The following ADAMTS9 variants were observed in gnomAD, a reference collection of about 807,000 sequenced individuals.
ADAMTS9 encodes the protein A disintegrin and metalloproteinase with thrombospondin motifs 9.
ADAMTS9 carries 107 observed loss-of-function variants against 257.1 expected under a neutral mutation model. The ratio of observed to expected loss-of-function variants is 0.42; its 90% CI spans 0.36 to 0.49. The LOEUF (loss-of-function observed/expected upper bound fraction) is 0.49. ADAMTS9 is among the 20% of genes least tolerant of loss of function. The pLI is 0.03. For missense variants in ADAMTS9, 2,353 were observed against 2,469.1 expected, an observed-to-expected ratio of 0.95 and a Z score of 1.00; for synonymous variants, 982 against 880.9, an observed-to-expected ratio of 1.11 and a Z score of -2.03.
chr3:64,554,182 T>G lies in ADAMTS9; in HGVS notation c.4699-3120A>C, dbSNP rs948844364. 3.9e-5 allele frequency among the ~76,000 whole-genome samples: 6 copies of G among 152,286 alleles called. No individual in the cohort carries two copies. The East Asian group carries it at 1.2e-3, about 29-fold the overall frequency. On this transcript the variant is annotated intron_variant, in intron 30 of 39. Transcript: ENST00000498707. ...CAGTTCAGAGCAGAAATACAATGAA[T>G]CCTAAATACTTTATGCTTGTTAAGC... is the stretch of plus-strand genomic sequence containing the variant.
intron 18 of ADAMTS9, among the ~76,000 whole-genome samples, chr3:64,621,655 G>A (rs368555700): frequency 8.6e-5 from 13 of 151,874 alleles, no homozygotes; most frequent in African/African-American, 3.1e-4. Flanking sequence ...CCAGCTACTC[G>A]GGAGACTGAG....
intron 30 of ADAMTS9, among the ~76,000 whole-genome samples, chr3:64,553,022 C>G (rs7651719): frequency 0.66 from 100,097 of 151,784 alleles, 36,960 homozygotes; most frequent in Non-Finnish European, 0.85. Flanking sequence ...CTATGATATG[C>G]CCTATGTCTT....
chr3:64,633,296 A>T (rs1166652011), intron 14 of ADAMTS9, among the ~76,000 whole-genome samples, 176 bp downstream of exon 14: 2 of 152,180 alleles, frequency 1.3e-5, no homozygotes, highest in Non-Finnish European at 2.9e-5. Flanking sequence ...CTTTGGCACT[A>T]CACGCATCAG....
intron 14 of ADAMTS9, 43 bp downstream of exon 14, chr3:64,633,429 G>A: frequency 3.1e-6 from 5 of 1,608,592 alleles, no homozygotes; most frequent in Non-Finnish European, 3.4e-6. Flanking sequence ...TCACAGGTTG[G>A]CAGCGGGAAA....
At chr3:64,632,510 G>A (rs1465065593) in intron 14 of ADAMTS9, among the ~76,000 whole-genome samples, 1 of 152,050 alleles carries the variant, frequency 6.6e-6, no homozygotes, top group African/African-American at 2.4e-5. Flanking sequence ...TATGACCATG[G>A]GCCTCCATTT....
In ADAMTS9 at chr3:64,632,560, C is replaced by T. The variant is rs919296607; in HGVS notation, c.2176-635G>A. ...CCATCGAGTGGCCTGCTGAATTTCTCCTCATATTAACACAATGCAGCCATG... is the reference window on the plus strand; with the variant it reads ...CCATCGAGTGGCCTGCTGAATTTCTTCTCATATTAACACAATGCAGCCATG... On this transcript the variant is annotated intron_variant, in intron 14 of 39. Transcript: ENST00000498707. Among the ~76,000 whole-genome samples the T allele has an allele frequency of 1.3e-4, 20 of 152,188 alleles. 1 individual carries two copies. Among genetic ancestry groups the T allele is most frequent in the African/African-American group, 4.8e-4 (20 of 41,442 alleles).
Position 64,631,542 on chromosome 3 carries a change from T to C in ADAMTS9, c.2302A>G (p.Thr768Ala), listed in dbSNP as rs1700367820. ...TFNTVHYGYN[T>A]VVRIPAGATN... is the part of the protein sequence containing the mutation. ...GCACCAGCTGGAATTCGGACCACAG[T>C]ATTGTAACCTGAAAAGAATTTAGCA... is the stretch of plus-strand genomic sequence containing the variant. Residue 768 changes from threonine (T) to alanine (A), a missense_variant, in exon 16 of 40, where the codon ACT becomes GCT. Thr to Ala is a moderately conservative substitution (Grantham distance 58). Coordinates refer to ENST00000498707, the MANE Select transcript of ADAMTS9 (RefSeq NM_182920.2). 1.2e-6 allele frequency: 2 copies of C among 1,613,556 alleles called. No homozygotes were observed. The highest frequency in any genetic ancestry group is 1.7e-6 in the Non-Finnish European group (2 of 1,179,570).
chr3:64,681,485 T>C (rs1701755680), intron 2 of ADAMTS9, 122 bp from the exon 3 acceptor site: 1 of 1,002,334 alleles, frequency 1.0e-6, no homozygotes, highest in Admixed American at 3.0e-5. Context: ...TTCAGGAGGG[T>C]TGTTTCAACT....
At chr3:64,628,346 C>G (rs1700278419) in intron 16 of ADAMTS9, among the ~76,000 whole-genome samples, 1 of 152,034 alleles carries the variant, frequency 6.6e-6, no homozygotes, top group South Asian at 2.1e-4. Context: ...GATTGTTTTT[C>G]CAAGAAAGGG....
intron 28 of ADAMTS9, among the ~76,000 whole-genome samples, chr3:64,580,155 C>T (rs1462442735): frequency 1.3e-5 from 2 of 152,086 alleles, no homozygotes; most frequent in African/African-American, 4.8e-5. Flanking sequence ...CAATGAAATG[C>T]AATACTCAAG....
At chr3:64,660,005 T>C (rs2106975405) in intron 3 of ADAMTS9, among the ~76,000 whole-genome samples, 1 of 152,312 alleles carries the variant, frequency 6.6e-6, no homozygotes, top group Non-Finnish European at 1.5e-5. Context: ...GAAGTTTATA[T>C]TACTGATGAA....
At chr3:64,683,722 AG>A (rs1341196631) in intron 2 of ADAMTS9, among the ~76,000 whole-genome samples, 1 of 152,214 alleles carries the variant, frequency 6.6e-6, no homozygotes, top group African/African-American at 2.4e-5. Context: ...TTCTTGGTTA[AG>A]GTGACTATTT....
chr3:64,608,304 T>C (rs2084600150), intron 22 of ADAMTS9, among the ~76,000 whole-genome samples: 1 of 129,734 alleles, frequency 7.7e-6, no homozygotes, highest in Non-Finnish European at 1.7e-5. Context: ...TAATAAAGAT[T>C]AGAATGGAGA....
intron 28 of ADAMTS9, among the ~76,000 whole-genome samples, chr3:64,572,090 T>C (rs1187710553): frequency 6.6e-6 from 1 of 152,220 alleles, no homozygotes; most frequent in Non-Finnish European, 1.5e-5. Context: ...TCTGACTTTT[T>C]TTTCTTGGGA....
At chr3:64,655,247 C>T (rs772997260) in intron 6 of ADAMTS9, among the ~76,000 whole-genome samples, 1 of 152,058 alleles carries the variant, frequency 6.6e-6, no homozygotes, top group Admixed American at 6.6e-5. Context: ...TCAGGTCTGC[C>T]TAACACATTT....
At chr3:64,616,975 G>T (rs143077675) in intron 19 of ADAMTS9, among the ~76,000 whole-genome samples, 7 of 152,240 alleles carry the variant, frequency 4.6e-5, no homozygotes, top group African/African-American at 1.7e-4. Flanking sequence ...CTGGCCTCAT[G>T]CTTATCTTGG....
At chr3:64,561,858 C>T (rs1219902526) in intron 29 of ADAMTS9, 107 bp from the exon 30 acceptor site, 12 of 939,462 alleles carry the variant, frequency 1.3e-5, no homozygotes, top group Non-Finnish European at 1.9e-5. Context: ...AATCCAATGA[C>T]TTTCATAGCT....
intron 28 of ADAMTS9, chr3:64,587,290 T>C (rs1167313213): frequency 6.6e-6 from 1 of 152,198 alleles, no homozygotes; most frequent in Non-Finnish European, 1.5e-5. Flanking sequence ...GGGCATCCTA[T>C]GGGGGAACCC....
Position 64,603,940 on chromosome 3 carries a change from C to T in ADAMTS9, c.3729G>A (p.Lys1243=), listed in dbSNP as rs1038285379. The part of the protein sequence containing the change: ...ECSVTPCGQW[K]ALDWSSCSVT... ...GGCTTACAGAGCTCCAGTCCAAGGC[C>T]TTCCATTGCCCACAGGGTGTCACAG... The change falls in exon 25 of 40, where the codon AAG becomes AAA. Residue 1243 remains lysine, a synonymous_variant. Transcript: ENST00000498707. 1.5e-5 allele frequency: 25 copies of T among 1,613,888 alleles called. No individual in the cohort carries two copies. Among genetic ancestry groups the T allele is most frequent in the Non-Finnish European group, 2.1e-5 (25 of 1,179,968 alleles).
Sources: gnomAD v4.1 joint callset for allele counts (sites outside exome capture counted in the v4.1 genomes callset) on GRCh38, gnomAD v4.1.1 for gene constraint, MANE v1.5 for transcripts, NCBI Gene and HGNC (gene_info 2026-07-23, HGNC 2026-07-21) for gene names.